Variants in NXPE2 observed in about 807,000 individuals in gnomAD.
The protein encoded by NXPE2 is neurexophilin and PC-esterase domain family member 2, also known as NXPE family member 2.
NXPE2 carries 34 observed loss-of-function variants against 34.4 expected under a neutral mutation model. That is an observed-to-expected ratio of 0.99 (90% CI 0.75 to 1.31). The LOEUF (loss-of-function observed/expected upper bound fraction) is 1.31. Ranked by LOEUF, NXPE2 falls within the 40% of genes most tolerant of loss-of-function variation. The pLI is 0.00. For synonymous variants in NXPE2, 235 were observed against 231.3 expected, an observed-to-expected ratio of 1.02 and a Z score of -0.15; for missense variants, 649 against 672.5, an observed-to-expected ratio of 0.97 and a Z score of 0.39.
the NXPE2 span, among the ~76,000 whole-genome samples, chr11:114,635,690 G>C: frequency 6.6e-6 from 1 of 151,804 alleles, no homozygotes; most frequent in South Asian, 2.1e-4. Context: ...GTTGAATTTT[G>C]TCAAAGGCCT....
At chr11:114,484,658 C>T in the NXPE2 span, among the ~76,000 whole-genome samples, 13 of 152,250 alleles carry the variant, frequency 8.5e-5, no homozygotes, top group African/African-American at 2.6e-4. Flanking sequence ...TCTGTTTCTG[C>T]GGGCTAGAAT....
chr11:114,739,410 C>CCTTCCCTT, the NXPE2 span, among the ~76,000 whole-genome samples: 1 of 136,592 alleles, frequency 7.3e-6, no homozygotes, highest in Non-Finnish European at 1.6e-5. Context: ...CTCCCTCGCT[C>CCTTCCCTT]CTTCCCTTCT....
At chr11:114,785,003 A>C in the NXPE2 span, among the ~76,000 whole-genome samples, 4 of 152,138 alleles carry the variant, frequency 2.6e-5, no homozygotes, top group East Asian at 7.7e-4. Context: ...AAAACTGACC[A>C]GTCTTATTTA....
the NXPE2 span, chr11:114,527,311 TATC>T: frequency 6.6e-6 from 1 of 152,258 alleles, no homozygotes; most frequent in Non-Finnish European, 1.5e-5. Context: ...TTGAAGTAAG[TATC>T]ATGATGGATG....
intron 1 of NXPE2, among the ~76,000 whole-genome samples, chr11:114,679,253 TG>T (rs1950905110): frequency 7.2e-6 from 1 of 139,612 alleles, no homozygotes. Flanking sequence ...TGTGCGTGTG[TG>T]TGTGTGTGTG....
chr11:114,469,406 C>G, the NXPE2 span, among the ~76,000 whole-genome samples: 36,041 of 151,416 alleles, frequency 0.24, 4,532 homozygotes, highest in East Asian at 0.38. Context: ...AGCCACCGCG[C>G]CTTGCCACAG....
At chr11:114,552,250 G>A in the NXPE2 span, among the ~76,000 whole-genome samples, 6 of 152,106 alleles carry the variant, frequency 3.9e-5, no homozygotes, top group Non-Finnish European at 7.4e-5. Context: ...TTACTGAAGC[G>A]TGGTGTGAGA....
chr11:114,487,939 T>G, the NXPE2 span, among the ~76,000 whole-genome samples: 36 of 152,142 alleles, frequency 2.4e-4, no homozygotes, highest in African/African-American at 8.7e-4. Context: ...CATCAATGTT[T>G]ATCAGTGATA....
the NXPE2 span, among the ~76,000 whole-genome samples, chr11:114,727,590 A>G: frequency 6.6e-6 from 1 of 152,088 alleles, no homozygotes; most frequent in African/African-American, 2.4e-5. Flanking sequence ...GACACAACTT[A>G]TAATACACAA....
At chr11:114,718,403 T>C in the NXPE2 span, among the ~76,000 whole-genome samples, 1 of 152,188 alleles carries the variant, frequency 6.6e-6, no homozygotes, top group African/African-American at 2.4e-5. Context: ...AAAACACACA[T>C]TGAAATCTAC....
At chr11:114,531,428 G>A in the NXPE2 span, among the ~76,000 whole-genome samples, 1 of 152,180 alleles carries the variant, frequency 6.6e-6, no homozygotes, top group African/African-American at 2.4e-5. Context: ...CCTCAAGGAT[G>A]ATGACTGTCT....
the NXPE2 span, among the ~76,000 whole-genome samples, chr11:114,477,849 T>C: frequency 6.6e-6 from 1 of 151,920 alleles, no homozygotes; most frequent in African/African-American, 2.4e-5. Context: ...AATCCCTTTC[T>C]TTTTCTTAGA....
chr11:114,514,475 C>T, the NXPE2 span, among the ~76,000 whole-genome samples: 1 of 152,058 alleles, frequency 6.6e-6, no homozygotes, highest in Non-Finnish European at 1.5e-5. Flanking sequence ...CTGCAGCCTC[C>T]ATCTCCTGGG....
the NXPE2 span, among the ~76,000 whole-genome samples, chr11:114,651,381 C>T: frequency 9.9e-5 from 15 of 151,938 alleles, no homozygotes; most frequent in South Asian, 2.1e-4. Flanking sequence ...GGTTCGTGGT[C>T]TCGTGGTCTC....
the NXPE2 span, among the ~76,000 whole-genome samples, chr11:114,803,282 AACTT>A: frequency 6.6e-6 from 1 of 152,246 alleles, no homozygotes; most frequent in Non-Finnish European, 1.5e-5. Flanking sequence ...TGACAACCCG[AACTT>A]ACTAACTAAA....
the NXPE2 span, among the ~76,000 whole-genome samples, chr11:114,646,662 T>G: frequency 6.6e-6 from 1 of 152,114 alleles, no homozygotes; most frequent in South Asian, 2.1e-4. Flanking sequence ...ACCATTAAAA[T>G]AGACCCAATT....
the NXPE2 span, among the ~76,000 whole-genome samples, chr11:114,794,041 C>T: frequency 6.6e-6 from 1 of 152,166 alleles, no homozygotes; most frequent in Non-Finnish European, 1.5e-5. Context: ...AGATACCTGC[C>T]TGTCTCCTGC....
the NXPE2 span, among the ~76,000 whole-genome samples, chr11:114,771,218 G>C: frequency 1.3e-5 from 2 of 151,698 alleles, no homozygotes; most frequent in East Asian, 3.9e-4. Flanking sequence ...TTCATTCCCT[G>C]TATCCCCTCT....
the NXPE2 span, among the ~76,000 whole-genome samples, chr11:114,628,765 A>G: frequency 6.6e-6 from 1 of 151,974 alleles, no homozygotes; most frequent in South Asian, 2.1e-4. Flanking sequence ...CAAAATTGAT[A>G]GAAAGCTAGC....
Sources: gnomAD v4.1 joint callset for allele counts (sites outside exome capture counted in the v4.1 genomes callset) on GRCh38, gnomAD v4.1.1 for gene constraint, MANE v1.5 for transcripts, NCBI Gene and HGNC (gene_info 2026-07-23, HGNC 2026-07-21) for gene names.